The following CNKSR3 variants were observed in gnomAD, a reference collection of about 807,000 sequenced individuals.
CNKSR3 encodes the protein CNKSR family member 3, also known as connector enhancer of kinase suppressor of ras 3.
A neutral mutation model predicts 67.7 loss-of-function variants in CNKSR3; 36 were observed. The ratio of observed to expected loss-of-function variants is 0.53; its 90% CI spans 0.41 to 0.70. The LOEUF is 0.70. Among genes scored for constraint, CNKSR3 ranks in the 30% least tolerant of loss-of-function variants. The pLI is 0.00. For missense variants in CNKSR3, 630 were observed against 695.2 expected (o/e 0.91, Z 1.05); for synonymous variants, 281 against 271.4 (o/e 1.04, Z -0.35).
chr6:154,471,831 G>T (rs1185002357), intron 1 of CNKSR3, among the ~76,000 whole-genome samples: 1 of 152,022 alleles, frequency 6.6e-6, no homozygotes, highest in Non-Finnish European at 1.5e-5. Context: ...AACGCTTCAG[G>T]AAATGCCAGT....
rs1157261054 is a variant in CNKSR3 at position 154,390,766 on chromosome 6, C to T, written c.*15588G>A. ...ACAGCTCTGCAGGTGGAAGACTGAT[C>T]AAGGTGTCAGCAGCACTGGTTTCTT... On this transcript the variant is annotated 3_prime_UTR_variant, in exon 13 of 13. Transcript: ENST00000607772. 1.4e-5 allele frequency: 2 copies of T among 147,180 alleles called. No homozygotes were observed. Among genetic ancestry groups the T allele is most frequent in the African/African-American group, 5.0e-5 (2 of 40,086 alleles). 9.1% of individuals were successfully genotyped at this position (147,180 alleles called of 1,614,324 possible).
At chr6:154,418,086 C>T (rs1180402790) in intron 9 of CNKSR3, among the ~76,000 whole-genome samples, 1 of 152,218 alleles carries the variant, frequency 6.6e-6, no homozygotes, top group Non-Finnish European at 1.5e-5. Flanking sequence ...CCACCCCCCG[C>T]TGCTGGGAAT....
chr6:154,504,976 A>G (rs1787069424), intron 1 of CNKSR3, among the ~76,000 whole-genome samples: 1 of 151,722 alleles, frequency 6.6e-6, no homozygotes, highest in African/African-American at 2.4e-5. Flanking sequence ...ACTGGAGTGC[A>G]GGAGAGTGAA....
chr6:154,454,017 T>C (rs1785894060), intron 1 of CNKSR3, among the ~76,000 whole-genome samples: 1 of 151,328 alleles, frequency 6.6e-6, no homozygotes, highest in Non-Finnish European at 1.5e-5. Flanking sequence ...AGACCTACTC[T>C]ACTGTCATGA....
At chr6:154,443,784 A>G (rs1336125522) in intron 2 of CNKSR3, among the ~76,000 whole-genome samples, 1 of 152,194 alleles carries the variant, frequency 6.6e-6, no homozygotes, top group East Asian at 1.9e-4. Flanking sequence ...GCTTGAGCCC[A>G]GGAGGTCAAG....
chr6:154,461,727 A>C (rs1786082475), intron 1 of CNKSR3, among the ~76,000 whole-genome samples: 1 of 152,258 alleles, frequency 6.6e-6, no homozygotes, highest in Non-Finnish European at 1.5e-5. Context: ...AAGCGCTACT[A>C]TTTAAAAAAT....
intron 1 of CNKSR3, among the ~76,000 whole-genome samples, chr6:154,460,420 A>G (rs553702802): frequency 1.1e-3 from 161 of 152,348 alleles, no homozygotes; most frequent in Middle Eastern, 3.4e-3. Context: ...GCATATACCT[A>G]TATCTCACAG....
intron 1 of CNKSR3, among the ~76,000 whole-genome samples, chr6:154,486,038 CAGT>C (rs1198612511): frequency 6.6e-6 from 1 of 152,154 alleles, no homozygotes; most frequent in Non-Finnish European, 1.5e-5. Flanking sequence ...TCAAAAGCAG[CAGT>C]AAAGCAGGAA....
Position 154,403,687 on chromosome 6 carries a change from G to A in CNKSR3, c.*2667C>T, listed in dbSNP as rs1388762394. 1.3e-5 allele frequency: 2 copies of A among 151,998 alleles called. No individual in the cohort carries two copies. The highest frequency in any genetic ancestry group is 2.9e-5 in the Non-Finnish European group (2 of 68,010). The allele number at this position is 151,998 out of a possible 1,614,324, so 9.4% of individuals were successfully genotyped here. On this transcript the variant is annotated 3_prime_UTR_variant, in exon 13 of 13. Coordinates refer to ENST00000607772, the MANE Select transcript of CNKSR3 (RefSeq NM_173515.4). The stretch of plus-strand genomic sequence containing the variant: ...AAAAAGAAAGATGAAGCTGTGGAGG[G>A]TGACTGCAAGTAGAGGAGCCAGGAA...
In CNKSR3 at chr6:154,398,338, T is replaced by C. The variant is rs1394066606; in HGVS notation, c.*8016A>G. ...ATGGATGAAATTTATGCACAACCAA[T>C]AAGCCCCACAAAAGTGATTGTTATG... On this transcript the variant is annotated 3_prime_UTR_variant, in exon 13 of 13. Transcript: ENST00000607772. The C allele has an allele frequency of 6.6e-6, 1 of 152,232 alleles. No individual in the cohort carries two copies. Among genetic ancestry groups the C allele is most frequent in the Non-Finnish European group, 1.5e-5 (1 of 68,054 alleles). 9.4% of individuals were successfully genotyped at this position (152,232 alleles called of 1,614,324 possible).
Position 154,474,767 on chromosome 6 carries a change from A to G in CNKSR3, c.53-24509T>C, listed in dbSNP as rs552000085. ...CATGAAAGGCAAAAACTAGCCAAAG[A>G]GGGTGCCAAGGGTTTGGACCAGGTT... On this transcript the variant is annotated intron_variant, in intron 1 of 12. Coordinates refer to ENST00000607772, the MANE Select transcript of CNKSR3 (RefSeq NM_173515.4). Among the ~76,000 whole-genome samples the G allele has an allele frequency of 1.1e-4, 17 of 152,320 alleles. No homozygotes were observed. In the South Asian group the frequency reaches 3.5e-3, roughly 32 times the overall value.
intron 1 of CNKSR3, among the ~76,000 whole-genome samples, chr6:154,451,243 A>G (rs957805684): frequency 1.2e-4 from 19 of 152,234 alleles, no homozygotes. Context: ...GAGAATTCTT[A>G]TTCCTGTACA....
At chr6:154,418,084 C>G (rs982990825) in intron 9 of CNKSR3, among the ~76,000 whole-genome samples, 31 of 152,192 alleles carry the variant, frequency 2.0e-4, no homozygotes, top group Admixed American at 5.2e-4. Flanking sequence ...TACCACCCCC[C>G]GCTGCTGGGA....
In CNKSR3 at chr6:154,404,799, TC is replaced by T. The variant is rs1254512763; in HGVS notation, c.*1554del. 1 of 152,332 alleles carries T rather than the reference TC, an allele frequency of 6.6e-6. No individual in the cohort carries two copies. The highest frequency in any genetic ancestry group is 1.5e-5 in the Non-Finnish European group (1 of 68,202). 9.4% of individuals were successfully genotyped at this position (152,332 alleles called of 1,614,324 possible). On this transcript the variant is annotated 3_prime_UTR_variant, in exon 13 of 13. Coordinates refer to ENST00000607772, the MANE Select transcript of CNKSR3 (RefSeq NM_173515.4). ...GTGAGCTGAGATTGCGCCACTGCAC[TC>T]CAGCCTGGGTGACAGATTGAGACTC...
At chr6:154,484,901 G>T (rs947960129) in intron 1 of CNKSR3, among the ~76,000 whole-genome samples, 4 of 152,142 alleles carry the variant, frequency 2.6e-5, no homozygotes, top group East Asian at 1.9e-4. Context: ...AGGCTTGAAA[G>T]CTTGAATAGC....
intron 12 of CNKSR3, among the ~76,000 whole-genome samples, chr6:154,408,492 T>G (rs1391979977): frequency 6.6e-6 from 1 of 152,222 alleles, no homozygotes; most frequent in Non-Finnish European, 1.5e-5. Flanking sequence ...GCTTTGCTTT[T>G]GTAATGAAAG....
At position 154,398,883 on chromosome 6, in the gene CNKSR3, A is replaced by T. The variant is rs1784687927; in HGVS notation, c.*7471T>A. On this transcript the variant is annotated 3_prime_UTR_variant, in exon 13 of 13. Transcript: ENST00000607772. The stretch of plus-strand genomic sequence containing the variant: ...GATCACCTGAGGTCGGGAGTTCGAG[A>T]CCAGCCTGACCAACACGAAGAAACC... The T allele has an allele frequency of 6.6e-6, 1 of 152,354 alleles. No homozygotes were observed. The highest frequency in any genetic ancestry group is 2.1e-4 in the South Asian group (1 of 4,824). 9.4% of individuals were successfully genotyped at this position (152,354 alleles called of 1,614,324 possible). A position where few individuals can be genotyped will look rare whatever the true frequency, so the allele number is the denominator to read the frequency against.
chr6:154,494,992 A>C (rs1251981446), intron 1 of CNKSR3, among the ~76,000 whole-genome samples: 2 of 152,172 alleles, frequency 1.3e-5, no homozygotes, highest in East Asian at 3.8e-4. Flanking sequence ...TAATCCTCTG[A>C]TTTTATTTTG....
chr6:154,447,352 T>C (rs924513207), intron 2 of CNKSR3, among the ~76,000 whole-genome samples: 3 of 152,182 alleles, frequency 2.0e-5, no homozygotes, highest in Non-Finnish European at 2.9e-5. Flanking sequence ...GACAGTCACA[T>C]TGGGTAACAG....
Sources: allele counts gnomAD v4.1 joint callset (sites outside exome capture counted in the v4.1 genomes callset), GRCh38; gene constraint gnomAD v4.1.1; transcripts MANE v1.5; gene names NCBI Gene and HGNC (gene_info 2026-07-23, HGNC 2026-07-21).